Variants in STON1 observed in about 807,000 individuals in gnomAD.
STON1 encodes the protein stonin-1.
In STON1, 79 loss-of-function variants were observed where a neutral mutation model predicts 60.9. The observed-to-expected ratio is 1.30, with a 90% CI of 1.08 to 1.56. The LOEUF is 1.56. STON1 is among the 40% of genes most tolerant of loss of function. The pLI is 0.00. For missense variants in STON1, 1,166 were observed against 858.9 expected (o/e 1.36, Z -4.47); for synonymous variants, 363 against 306.9 (o/e 1.18, Z -1.91).
At chr2:48,584,425 G>A (rs1048641946) in intron 2 of STON1, among the ~76,000 whole-genome samples, 5 of 152,018 alleles carry the variant, frequency 3.3e-5, no homozygotes, top group East Asian at 1.9e-4. Flanking sequence ...GAGCCACCAC[G>A]CCTGGCTAGT....
intron 1 of STON1, among the ~76,000 whole-genome samples, chr2:48,572,853 C>T (rs1024738500): frequency 5.3e-5 from 8 of 152,200 alleles, no homozygotes; most frequent in African/African-American, 1.7e-4. Context: ...CCCATCGAAA[C>T]CCTGCTCTCC....
At chr2:48,550,272 T>A (rs1200718008) in intron 1 of STON1, among the ~76,000 whole-genome samples, 2 of 151,606 alleles carry the variant, frequency 1.3e-5, no homozygotes, top group Non-Finnish European at 2.9e-5. Flanking sequence ...CTGAGGGGAG[T>A]GGATCACCTG....
intron 1 of STON1, among the ~76,000 whole-genome samples, chr2:48,566,337 G>A (rs1441701559): frequency 7.2e-5 from 11 of 152,162 alleles, no homozygotes; most frequent in Non-Finnish European, 8.8e-5. Context: ...CACCACGCCC[G>A]GCTAATTTTT....
At chr2:48,587,522 A>T (rs1572643938) in intron 2 of STON1, among the ~76,000 whole-genome samples, 1 of 152,100 alleles carries the variant, frequency 6.6e-6, no homozygotes, top group East Asian at 1.9e-4. Context: ...CAAACTCCTG[A>T]CCTCGTGACC....
intron 1 of STON1, among the ~76,000 whole-genome samples, chr2:48,561,380 G>A (rs575548641): frequency 2.6e-5 from 4 of 152,208 alleles, no homozygotes; most frequent in South Asian, 2.1e-4. Context: ...TTTCCATCTC[G>A]GAAGTCAGTA....
Position 48,540,995 on chromosome 2 carries a change from C to T in STON1, c.-48+10779C>T, listed in dbSNP as rs543573951. Among the ~76,000 whole-genome samples the T allele has an allele frequency of 7.9e-5, 12 of 152,244 alleles. No homozygotes were observed. In the East Asian group the frequency reaches 2.1e-3, roughly 27 times the overall value. ...TACAGAGGGATATTTCTACCCAATC[C>T]GTCATACTGACTGAGGTTCTTAACT... is the stretch of plus-strand genomic sequence containing the variant. On this transcript the variant is annotated intron_variant, in intron 1 of 3. Transcript: ENST00000404752.
chr2:48,577,782 T>G (rs1673602778), intron 1 of STON1, among the ~76,000 whole-genome samples: 1 of 151,086 alleles, frequency 6.6e-6, no homozygotes, highest in Non-Finnish European at 1.5e-5. Flanking sequence ...CTCCCGGCTA[T>G]TTTTTATATT....
intron 1 of STON1, among the ~76,000 whole-genome samples, chr2:48,578,581 C>CATT (rs1673676396): frequency 4.3e-5 from 2 of 46,150 alleles, no homozygotes; most frequent in Non-Finnish European, 3.5e-5. Flanking sequence ...CTCCTCCTTC[C>CATT]TTTTTTTTTT....
At chr2:48,573,266 G>C (rs1462756075) in intron 1 of STON1, among the ~76,000 whole-genome samples, 1 of 152,190 alleles carries the variant, frequency 6.6e-6, no homozygotes, top group Non-Finnish European at 1.5e-5. Flanking sequence ...GGGAGGCTGA[G>C]GCAGGAGGAT....
intron 1 of STON1, among the ~76,000 whole-genome samples, chr2:48,534,032 G>A (rs1273782205): frequency 6.6e-6 from 1 of 152,072 alleles, no homozygotes; most frequent in Non-Finnish European, 1.5e-5. Flanking sequence ...GCCTCCCAAA[G>A]TGTCAGGATT....
intron 1 of STON1, among the ~76,000 whole-genome samples, chr2:48,565,408 C>T (rs183102146): frequency 1.3e-5 from 2 of 152,094 alleles, no homozygotes; most frequent in African/African-American, 2.4e-5. Context: ...CTCATGACCT[C>T]ATTACCTTCT....
chr2:48,592,635 A>C (rs1025018466), intron 3 of STON1, among the ~76,000 whole-genome samples: 26 of 106,126 alleles, frequency 2.4e-4, no homozygotes, highest in African/African-American at 8.7e-4. Flanking sequence ...TTATTATTCT[A>C]TTTTTAGTAG....
At chr2:48,555,796 G>A (rs1463254079) in intron 1 of STON1, among the ~76,000 whole-genome samples, 3 of 670 alleles carry the variant, frequency 4.5e-3, no homozygotes, top group Non-Finnish European at 6.8e-3. Context: ...CCTCCCTCCC[G>A]GACGGGGCGG....
intron 1 of STON1, among the ~76,000 whole-genome samples, chr2:48,547,185 G>C (rs1367822174): frequency 1.3e-5 from 2 of 152,134 alleles, no homozygotes; most frequent in Non-Finnish European, 2.9e-5. Context: ...GATCTCTCTG[G>C]ACTCTTATTT....
chr2:48,570,217 C>G (rs902694523), intron 1 of STON1, among the ~76,000 whole-genome samples: 1 of 152,140 alleles, frequency 6.6e-6, no homozygotes, highest in Non-Finnish European at 1.5e-5. Context: ...CATCTGTAAT[C>G]TCAGCTACTC....
At chr2:48,572,199 A>T (rs1435180022) in intron 1 of STON1, among the ~76,000 whole-genome samples, 1 of 152,102 alleles carries the variant, frequency 6.6e-6, no homozygotes, top group Admixed American at 6.5e-5. Context: ...GGAAGATAGC[A>T]AGAGATTGAA....
At chr2:48,586,597 G>A (rs1156922704) in intron 2 of STON1, among the ~76,000 whole-genome samples, 3 of 152,180 alleles carry the variant, frequency 2.0e-5, no homozygotes, top group Non-Finnish European at 2.9e-5. Context: ...AGGTGTGTGG[G>A]TGGGGGATCT....
intron 1 of STON1, among the ~76,000 whole-genome samples, chr2:48,560,414 A>C (rs1309018462): frequency 4.6e-5 from 7 of 152,184 alleles, no homozygotes; most frequent in Non-Finnish European, 2.9e-5. Context: ...CCTTAGGGAT[A>C]ATGCCCTTTC....
intron 1 of STON1, among the ~76,000 whole-genome samples, chr2:48,534,134 A>G (rs906774179): frequency 1.4e-4 from 22 of 152,190 alleles, no homozygotes; most frequent in South Asian, 2.1e-4. Flanking sequence ...TTGAAAATAC[A>G]TCGAGAAAAT....
Sources: allele counts gnomAD v4.1 joint callset (sites outside exome capture counted in the v4.1 genomes callset), GRCh38; gene constraint gnomAD v4.1.1; transcripts MANE v1.5; gene names NCBI Gene and HGNC (gene_info 2026-07-23, HGNC 2026-07-21).